Variants in ADORA1 observed in about 807,000 individuals in gnomAD.
ADORA1 encodes the protein adenosine receptor A1.
A neutral mutation model predicts 19.9 loss-of-function variants in ADORA1; 6 were observed. The ratio of observed to expected loss-of-function variants is 0.30; its 90% CI spans 0.17 to 0.59. The LOEUF (loss-of-function observed/expected upper bound fraction) is 0.59. Among genes scored for constraint, ADORA1 ranks in the 20% least tolerant of loss-of-function variants. The pLI is 0.87. For synonymous variants in ADORA1, 194 were observed against 188.4 expected, an observed-to-expected ratio of 1.03 and a Z score of -0.24; for missense variants, 302 against 439.2, an observed-to-expected ratio of 0.69 and a Z score of 2.79.
At chr1:203,147,222 G>A (rs140129750) in intron 3 of ADORA1, among the ~76,000 whole-genome samples, 1 of 152,338 alleles carries the variant, frequency 6.6e-6, no homozygotes, top group East Asian at 1.9e-4. Flanking sequence ...TGGTTTGGAA[G>A]TGCTCTGCCA....
chr1:203,137,760 C>A (rs928661907), intron 3 of ADORA1, among the ~76,000 whole-genome samples: 6 of 152,166 alleles, frequency 3.9e-5, no homozygotes, highest in African/African-American at 1.2e-4. Flanking sequence ...TATACCACTA[C>A]CCCGATCAAT....
In ADORA1 at chr1:203,138,663, C is replaced by T. The variant is rs148273908; in HGVS notation, c.341+9481C>T. ...AATGTCAAAGGAGTGATGGGGGCAA[C>T]GCCTGAATGGAGAAAGCTCAAGAGA... On this transcript the variant is annotated intron_variant, in intron 3 of 3. Coordinates refer to ENST00000337894, the MANE Select transcript of ADORA1 (RefSeq NM_000674.3). Among the ~76,000 whole-genome samples, 605 of 152,134 alleles carry T rather than the reference C, an allele frequency of 4.0e-3. 7 individuals are homozygous for T. Among genetic ancestry groups the T allele is most frequent in the Middle Eastern group, 6.8e-3 (2 of 294 alleles).
intron 3 of ADORA1, among the ~76,000 whole-genome samples, chr1:203,131,171 A>C (rs532937337): frequency 1.3e-5 from 2 of 152,220 alleles, no homozygotes. Flanking sequence ...CACTATTAAC[A>C]TATGGCTCAA....
At chr1:203,160,782 G>C (rs980135793) in intron 3 of ADORA1, among the ~76,000 whole-genome samples, 1 of 152,216 alleles carries the variant, frequency 6.6e-6, no homozygotes, top group Non-Finnish European at 1.5e-5. Flanking sequence ...CTGCACTCCA[G>C]CCTAGGAGAC....
At chr1:203,140,417 A>G (rs1196360553) in intron 3 of ADORA1, among the ~76,000 whole-genome samples, 1 of 152,038 alleles carries the variant, frequency 6.6e-6, no homozygotes, top group Non-Finnish European at 1.5e-5. Flanking sequence ...CACTGGGTGG[A>G]TGGTGATGCT....
At chr1:203,134,303 T>C (rs1001197748) in intron 3 of ADORA1, among the ~76,000 whole-genome samples, 3 of 152,182 alleles carry the variant, frequency 2.0e-5, no homozygotes, top group Non-Finnish European at 4.4e-5. Context: ...AAGGAAAGTA[T>C]GCAGCCTCAG....
intron 3 of ADORA1, among the ~76,000 whole-genome samples, chr1:203,155,045 T>TATC (rs1655155579): frequency 6.7e-6 from 1 of 148,866 alleles, no homozygotes; most frequent in Admixed American, 6.7e-5. Context: ...TTATTATTAT[T>TATC]ATTATTATTA....
chr1:203,161,440 A>G (rs1655363853), intron 3 of ADORA1, among the ~76,000 whole-genome samples: 1 of 152,148 alleles, frequency 6.6e-6, no homozygotes. Flanking sequence ...CCCCTGTCTC[A>G]ATAAACTAAA....
chr1:203,152,293 C>T (rs751864021), intron 3 of ADORA1, among the ~76,000 whole-genome samples: 86 of 152,372 alleles, frequency 5.6e-4, no homozygotes, highest in Non-Finnish European at 7.9e-4. Flanking sequence ...CTCTGCTCTC[C>T]TGAGCCTGCA....
intron 3 of ADORA1, among the ~76,000 whole-genome samples, chr1:203,135,887 G>T (rs149731468): frequency 3.3e-5 from 5 of 152,040 alleles, no homozygotes; most frequent in Non-Finnish European, 1.5e-5. Context: ...TCCCCCGGGG[G>T]CATTTGGCAT....
At position 203,154,126 on chromosome 1, in the gene ADORA1, G is replaced by A. The variant is rs117156683; in HGVS notation, c.342-11135G>A. On this transcript the variant is annotated intron_variant, in intron 3 of 3. Transcript: ENST00000337894. ...AGGTGATGAGAAACAGGGACGGCCA[G>A]GCCTGAGGACCCTGCTCTGGTCTCA... Among the ~76,000 whole-genome samples the A allele has an allele frequency of 7.9e-4, 120 of 152,298 alleles. 3 individuals are homozygous for A. The East Asian group carries it at 0.015, about 19-fold the overall frequency.
At chr1:203,140,545 C>T (rs1654647414) in intron 3 of ADORA1, among the ~76,000 whole-genome samples, 1 of 152,072 alleles carries the variant, frequency 6.6e-6, no homozygotes, top group Admixed American at 6.5e-5. Flanking sequence ...TCTCTCTTAC[C>T]ACTCCCCAGC....
In ADORA1 at chr1:203,128,564, A is replaced by T; in HGVS notation, c.-58+132A>T. On this transcript the variant is annotated intron_variant, in intron 2 of 3. Coordinates refer to ENST00000337894, the MANE Select transcript of ADORA1 (RefSeq NM_000674.3). The surrounding 1 kb of genome is among the most constrained non-coding windows in gnomAD (Gnocchi z 5.9). Reference sequence around the variant, plus strand: ...CACCTGATAAAAAAGCCAGTGGAGGAGTGAGCGCTGCTATTTTAAGTTGCT... The same window carrying T: ...CACCTGATAAAAAAGCCAGTGGAGGTGTGAGCGCTGCTATTTTAAGTTGCT... 1 of 859,444 alleles carries T rather than the reference A, an allele frequency of 1.2e-6. No homozygotes were observed. Among genetic ancestry groups the T allele is most frequent in the Non-Finnish European group, 1.7e-6 (1 of 591,132 alleles). 53.2% of individuals were successfully genotyped at this position (859,444 alleles called of 1,614,324 possible).
At chr1:203,163,308 T>C (rs189296391) in intron 3 of ADORA1, among the ~76,000 whole-genome samples, 35 of 152,294 alleles carry the variant, frequency 2.3e-4, no homozygotes, top group African/African-American at 7.5e-4. Context: ...AGTAGGTCTC[T>C]TTTACAGAGG....
In ADORA1 at chr1:203,165,920, C is replaced by T; in HGVS notation, c.*20C>T. 6.5e-7 allele frequency: 1 copy of T among 1,534,626 alleles called. No homozygotes were observed. Among genetic ancestry groups the T allele is most frequent in the Non-Finnish European group, 8.8e-7 (1 of 1,140,762 alleles). On this transcript the variant is annotated 3_prime_UTR_variant, in exon 4 of 4. Transcript: ENST00000337894. This position sits in a 1 kb window ranked among gnomAD's most constrained non-coding sequence, Gnocchi z 5.9. ...GACTAGACCCCGCCTTCCGCTCCCA[C>T]CAGCCCACATCCAGTGGGGTCTCAG...
chr1:203,132,043 A>G (rs917230661), intron 3 of ADORA1, among the ~76,000 whole-genome samples: 5 of 152,190 alleles, frequency 3.3e-5, no homozygotes, highest in Non-Finnish European at 7.3e-5. Flanking sequence ...CTTTCTTTCT[A>G]CTTGGCAGAA....
intron 3 of ADORA1, among the ~76,000 whole-genome samples, chr1:203,155,369 C>G (rs1486822531): frequency 6.6e-6 from 1 of 152,144 alleles, no homozygotes; most frequent in Non-Finnish European, 1.5e-5. Flanking sequence ...AGTGGCTTAT[C>G]GTTTATGTTC....
rs1325928776 is a variant in ADORA1, at chr1:203,165,816, C to T, written c.897C>T (p.Phe299=). The T allele has an allele frequency of 3.7e-6, 6 of 1,611,846 alleles. No individual in the cohort carries two copies. Among genetic ancestry groups the T allele is most frequent in the Non-Finnish European group, 5.1e-6 (6 of 1,178,710 alleles). Residue 299 remains phenylalanine, a synonymous_variant, in exon 4 of 4, where the codon TTC becomes TTT. Transcript: ENST00000337894. This position sits in a 1 kb window ranked among gnomAD's most constrained non-coding sequence, Gnocchi z 5.9. ...GCATCCAGAAGTTCCGCGTCACCTT[C>T]CTTAAGATTTGGAATGACCATTTCC... ...AFRIQKFRVT[F]LKIWNDHFRC...
intron 3 of ADORA1, among the ~76,000 whole-genome samples, chr1:203,133,270 T>G (rs1188137533): frequency 6.6e-6 from 1 of 152,154 alleles, no homozygotes; most frequent in Non-Finnish European, 1.5e-5. Context: ...CATGCCACCA[T>G]GCCCAGCTCA....
Sources: gnomAD v4.1 joint callset for allele counts (sites outside exome capture counted in the v4.1 genomes callset) on GRCh38, gnomAD v4.1.1 for gene constraint, Gnocchi (gnomAD v3.1) non-coding constraint, MANE v1.5 for transcripts, NCBI Gene and HGNC (gene_info 2026-07-23, HGNC 2026-07-21) for gene names.